SRBD1: variants seen among roughly 807,000 people sequenced by gnomAD.
SRBD1 encodes the protein S1 RNA-binding domain-containing protein 1.
Under a neutral mutation model 115.3 loss-of-function variants are expected in SRBD1, and 88 were observed. The observed-to-expected ratio is 0.76, with a 90% CI of 0.64 to 0.91. SRBD1 has a LOEUF of 0.91. SRBD1 is among the 40% of genes least tolerant of loss of function. The pLI is 0.00. For missense variants in SRBD1, 1,385 were observed against 1,177.4 expected (o/e 1.18, Z -2.58); for synonymous variants, 509 against 407.7 (o/e 1.25, Z -2.99).
At chr2:45,567,857 T>C (rs945698492) in intron 9 of SRBD1, 3 of 152,230 alleles carry the variant, frequency 2.0e-5, no homozygotes, top group Non-Finnish European at 2.9e-5. Context: ...TACATAAGTA[T>C]ACCATAATAT....
intron 14 of SRBD1, among the ~76,000 whole-genome samples, chr2:45,503,151 T>C (rs1670688147): frequency 6.6e-6 from 1 of 152,234 alleles, no homozygotes; most frequent in Non-Finnish European, 1.5e-5. Flanking sequence ...CATCTACTTT[T>C]CTGTTTTGTT....
intron 14 of SRBD1, among the ~76,000 whole-genome samples, chr2:45,491,748 T>C (rs1471896687): frequency 1.3e-5 from 2 of 152,198 alleles, no homozygotes; most frequent in African/African-American, 2.4e-5. Flanking sequence ...GCAAGTAAAG[T>C]ACCTACAATA....
intron 19 of SRBD1, among the ~76,000 whole-genome samples, chr2:45,395,651 A>G (rs1247171246): frequency 6.6e-6 from 1 of 152,132 alleles, no homozygotes; most frequent in African/African-American, 2.4e-5. Context: ...TATTTTGAAA[A>G]CTTTCTTAAA....
intron 16 of SRBD1, among the ~76,000 whole-genome samples, chr2:45,429,478 G>T (rs1196204428): frequency 6.6e-6 from 1 of 151,418 alleles, no homozygotes; most frequent in African/African-American, 2.4e-5. Context: ...TGGGATGCAA[G>T]GCTGATTCAA....
intron 9 of SRBD1, among the ~76,000 whole-genome samples, chr2:45,565,195 A>C (rs1002056179): frequency 6.6e-6 from 1 of 152,226 alleles, no homozygotes; most frequent in Non-Finnish European, 1.5e-5. Context: ...TTAAAAATCA[A>C]AATAAACTTG....
At chr2:45,576,749 C>A (rs1345685874) in intron 7 of SRBD1, among the ~76,000 whole-genome samples, 1 of 152,152 alleles carries the variant, frequency 6.6e-6, no homozygotes, top group Non-Finnish European at 1.5e-5. Flanking sequence ...CCCAGAGCAT[C>A]ATCACATGAA....
At chr2:45,412,616 T>G (rs1667635931) in intron 19 of SRBD1, among the ~76,000 whole-genome samples, 1 of 152,208 alleles carries the variant, frequency 6.6e-6, no homozygotes, top group Admixed American at 6.5e-5. Flanking sequence ...AAGATTTTTC[T>G]TTTTATACCG....
At chr2:45,590,784 A>AGGC (rs1040937606) in intron 4 of SRBD1, among the ~76,000 whole-genome samples, 1 of 152,184 alleles carries the variant, frequency 6.6e-6, no homozygotes, top group Non-Finnish European at 1.5e-5. Flanking sequence ...TGGGAGGCCG[A>AGGC]GGCGTGCGGA....
chr2:45,590,278 G>A (rs567008572), intron 4 of SRBD1, among the ~76,000 whole-genome samples: 23 of 152,330 alleles, frequency 1.5e-4, no homozygotes, highest in Non-Finnish European at 3.1e-4. Flanking sequence ...AACTAACTCT[G>A]GGAGGAACTC....
intron 16 of SRBD1, among the ~76,000 whole-genome samples, chr2:45,426,200 G>A (rs1284348993): frequency 5.3e-5 from 8 of 152,158 alleles, no homozygotes; most frequent in African/African-American, 1.7e-4. Flanking sequence ...TTGAGTAGGC[G>A]GTTTTCCCTT....
intron 9 of SRBD1, among the ~76,000 whole-genome samples, chr2:45,567,724 G>A (rs958610789): frequency 2.6e-5 from 4 of 152,166 alleles, no homozygotes; most frequent in Admixed American, 1.3e-4. Context: ...GAGCTCAGCA[G>A]AGACTTCCGT....
At chr2:45,448,774 G>A (rs1668904659) in intron 16 of SRBD1, among the ~76,000 whole-genome samples, 1 of 152,116 alleles carries the variant, frequency 6.6e-6, no homozygotes, top group South Asian at 2.1e-4. Flanking sequence ...ATTCCAATGT[G>A]TCATTATTTT....
At chr2:45,583,947 A>G (rs1213716935) in intron 5 of SRBD1, among the ~76,000 whole-genome samples, 1 of 152,208 alleles carries the variant, frequency 6.6e-6, no homozygotes, top group Non-Finnish European at 1.5e-5. Context: ...TATTCTTGAT[A>G]TACAGCTCCT....
chr2:45,427,449 A>G (rs990194036), intron 16 of SRBD1, among the ~76,000 whole-genome samples: 2 of 152,170 alleles, frequency 1.3e-5, no homozygotes, highest in Admixed American at 1.3e-4. Flanking sequence ...AGCAAATGGA[A>G]AGGAAAAATA....
chr2:45,495,520 C>G (rs1670428667), intron 14 of SRBD1, among the ~76,000 whole-genome samples: 1 of 151,978 alleles, frequency 6.6e-6, no homozygotes, highest in Non-Finnish European at 1.5e-5. Flanking sequence ...TTTTCTCTTT[C>G]AAAATCCCTC....
intron 4 of SRBD1, among the ~76,000 whole-genome samples, chr2:45,587,712 T>C (rs1336895150): frequency 6.6e-6 from 1 of 152,200 alleles, no homozygotes. Context: ...GTCTACATCT[T>C]ATCACCCATT....
At chr2:45,488,200 T>C (rs1163848452) in intron 15 of SRBD1, 40 bp downstream of exon 15, 2 of 1,570,954 alleles carry the variant, frequency 1.3e-6, no homozygotes, top group Non-Finnish European at 1.8e-6. Flanking sequence ...GCCCAAAATA[T>C]CAAAATCACA....
chr2:45,482,623 C>CACAA (rs1222251390), intron 15 of SRBD1, among the ~76,000 whole-genome samples: 1 of 151,402 alleles, frequency 6.6e-6, no homozygotes, highest in Non-Finnish European at 1.5e-5. Context: ...AACACACACA[C>CACAA]ACACACACAC....
At chr2:45,487,289 T>C (rs1572693714) in intron 15 of SRBD1, among the ~76,000 whole-genome samples, 1 of 152,208 alleles carries the variant, frequency 6.6e-6, no homozygotes, top group Admixed American at 6.5e-5. Context: ...TACAGAAAAA[T>C]GCACTGACCT....
Sources: allele counts gnomAD v4.1 joint callset (sites outside exome capture counted in the v4.1 genomes callset), GRCh38; gene constraint gnomAD v4.1.1; transcripts MANE v1.5; gene names NCBI Gene and HGNC (gene_info 2026-07-23, HGNC 2026-07-21).